Variants in CFAP58 observed in about 807,000 individuals in gnomAD.
The protein encoded by CFAP58 is cilia and flagella associated protein 58.
CFAP58 carries 88 observed loss-of-function variants against 119.5 expected under a neutral mutation model. The ratio of observed to expected loss-of-function variants is 0.74; its 90% CI spans 0.62 to 0.88. The LOEUF is 0.88. Among genes scored for constraint, CFAP58 ranks in the 40% least tolerant of loss-of-function variants. The probability of loss-of-function intolerance (pLI) is 0.00; values close to 1 mark genes in which losing one functional copy is unlikely to be tolerated. For missense variants in CFAP58, 990 were observed against 1,021.2 expected (o/e 0.97, Z 0.42); for synonymous variants, 365 against 366.3 (o/e 1.00, Z 0.04).
chr10:104,377,543 T>C (rs888099331), intron 8 of CFAP58, among the ~76,000 whole-genome samples: 3 of 152,162 alleles, frequency 2.0e-5, no homozygotes, highest in Non-Finnish European at 4.4e-5. Flanking sequence ...TTACAGGGAA[T>C]TAGGGTAAAT....
At chr10:104,379,185 C>T (rs2011731730) in intron 8 of CFAP58, among the ~76,000 whole-genome samples, 1 of 152,144 alleles carries the variant, frequency 6.6e-6, no homozygotes, top group Non-Finnish European at 1.5e-5. Context: ...CCGCTCCTCC[C>T]ACCCCTGGCA....
intron 4 of CFAP58, 54 bp downstream of exon 4, chr10:104,364,943 C>T: frequency 6.4e-7 from 1 of 1,563,076 alleles, no homozygotes; most frequent in Non-Finnish European, 8.7e-7. Context: ...GATGTTTGTC[C>T]CTCCACAGTC....
chr10:104,399,251 A>T, intron 11 of CFAP58, 109 bp from the exon 12 acceptor site: 1 of 1,174,400 alleles, frequency 8.5e-7, no homozygotes, highest in Non-Finnish European at 1.2e-6. Context: ...TAAATGAAAC[A>T]TCAGAGGAAA....
chr10:104,344,607 G>T, the CFAP58 span, among the ~76,000 whole-genome samples: 1 of 150,798 alleles, frequency 6.6e-6, no homozygotes, highest in Admixed American at 6.6e-5. Flanking sequence ...ATTTCTTAAT[G>T]TGGTCTTTTA....
intron 1 of CFAP58, among the ~76,000 whole-genome samples, chr10:104,356,486 T>C (rs2014544496): frequency 6.6e-6 from 1 of 152,226 alleles, no homozygotes; most frequent in African/African-American, 2.4e-5. Flanking sequence ...TATTAAAACA[T>C]AATGTTGCAA....
chr10:104,427,334 A>G (rs1413620610), intron 15 of CFAP58, among the ~76,000 whole-genome samples: 1 of 152,242 alleles, frequency 6.6e-6, no homozygotes, highest in African/African-American at 2.4e-5. Context: ...ATTAGCAGGT[A>G]TATTAATTTT....
chr10:104,435,153 A>G (rs771706456), intron 15 of CFAP58, among the ~76,000 whole-genome samples: 1 of 152,214 alleles, frequency 6.6e-6, no homozygotes, highest in Non-Finnish European at 1.5e-5. Flanking sequence ...AGATGGTTGG[A>G]TGAATGAATG....
chr10:104,388,478 A>G lies in CFAP58; in HGVS notation c.1366-3755A>G, dbSNP rs1406397063. On this transcript the variant is annotated intron_variant, in intron 9 of 17. Transcript: ENST00000369704. Reference sequence around the variant, plus strand: ...ATAGATATGCCTCTCTAAATTCAAGATAGAGGGTAAAATAACAAGGCAAGA... The same window carrying G: ...ATAGATATGCCTCTCTAAATTCAAGGTAGAGGGTAAAATAACAAGGCAAGA... 3.9e-5 allele frequency among the ~76,000 whole-genome samples: 6 copies of G among 152,302 alleles called. No homozygotes were observed. The South Asian group carries it at 1.2e-3, about 32-fold the overall frequency.
At position 104,410,846 on chromosome 10, in the gene CFAP58, T is replaced by C. The variant is rs566663880; in HGVS notation, c.2256+4053T>C. Among the ~76,000 whole-genome samples, 4 of 152,282 alleles carry C rather than the reference T, an allele frequency of 2.6e-5. No homozygotes were observed. The East Asian group carries it at 5.8e-4, about 22-fold the overall frequency. ...TTATTAGAAGTACGTTGGGTTTTCT[T>C]ATTCTTTTTTCCTATTTACTGACCT... On this transcript the variant is annotated intron_variant, in intron 15 of 17. Coordinates refer to ENST00000369704, the MANE Select transcript of CFAP58 (RefSeq NM_001008723.2).
chr10:104,403,414 A>T (rs535096389), intron 13 of CFAP58, among the ~76,000 whole-genome samples: 6 of 152,268 alleles, frequency 3.9e-5, no homozygotes, highest in African/African-American at 1.4e-4. Context: ...GCAGTGTGAG[A>T]AAAGACTAAT....
the CFAP58 span, among the ~76,000 whole-genome samples, chr10:104,340,450 G>T: frequency 4.9e-4 from 74 of 152,282 alleles, 1 homozygote; most frequent in East Asian, 0.014. Flanking sequence ...CAGTCTTCCT[G>T]TCTCAGAACA....
chr10:104,388,616 C>T (rs183884313), intron 9 of CFAP58, among the ~76,000 whole-genome samples: 225 of 152,278 alleles, frequency 1.5e-3, no homozygotes, highest in Non-Finnish European at 2.6e-3. Context: ...AGCATTCAAA[C>T]CATTGACATC....
chr10:104,387,138 T>G (rs778028782), intron 9 of CFAP58, among the ~76,000 whole-genome samples: 6 of 152,208 alleles, frequency 3.9e-5, no homozygotes, highest in Non-Finnish European at 8.8e-5. Context: ...TCCTATGTGT[T>G]TGTCTCCATC....
At chr10:104,426,473 C>A (rs2012748301) in intron 15 of CFAP58, among the ~76,000 whole-genome samples, 1 of 152,026 alleles carries the variant, frequency 6.6e-6, no homozygotes, top group African/African-American at 2.4e-5. Flanking sequence ...CCACTCCCCC[C>A]AGCTATCCAG....
chr10:104,389,908 G>C (rs2011999123), intron 9 of CFAP58, among the ~76,000 whole-genome samples: 1 of 152,122 alleles, frequency 6.6e-6, no homozygotes, highest in Non-Finnish European at 1.5e-5. Flanking sequence ...AATCCTAAAT[G>C]AAATTCCAGC....
chr10:104,396,369 TGAGA>T (rs57210958), intron 11 of CFAP58, among the ~76,000 whole-genome samples: 85 of 86,812 alleles, frequency 9.8e-4, no homozygotes, highest in East Asian at 3.2e-3. Flanking sequence ...CTGTTATCCA[TGAGA>T]GAGAGAGAGA....
intron 15 of CFAP58, among the ~76,000 whole-genome samples, chr10:104,420,351 C>T (rs1464182895): frequency 1.3e-5 from 2 of 151,932 alleles, no homozygotes; most frequent in Non-Finnish European, 2.9e-5. Context: ...CTGGTAAGCT[C>T]GATTAGGCAG....
intron 2 of CFAP58, 103 bp downstream of exon 2, chr10:104,358,725 T>G: frequency 9.9e-7 from 1 of 1,007,456 alleles, no homozygotes; most frequent in Non-Finnish European, 1.4e-6. Context: ...TAGGTAAAAA[T>G]TTACATGATT....
chr10:104,350,905 G>A (rs530072623), upstream of CFAP58, among the ~76,000 whole-genome samples: 25 of 152,294 alleles, frequency 1.6e-4, no homozygotes, highest in Admixed American at 5.2e-4. Flanking sequence ...ACTTATGAAA[G>A]CTCTTTTAGG....
Sources: gnomAD v4.1 joint callset for allele counts (sites outside exome capture counted in the v4.1 genomes callset) on GRCh38, gnomAD v4.1.1 for gene constraint, MANE v1.5 for transcripts, NCBI Gene and HGNC (gene_info 2026-07-23, HGNC 2026-07-21) for gene names.